The following KLHL32 variants were observed in gnomAD, a reference collection of about 807,000 sequenced individuals.
KLHL32 encodes the protein kelch like family member 32, also known as kelch-like protein 32.
A neutral mutation model predicts 64.8 loss-of-function variants in KLHL32; 35 were observed. That is an observed-to-expected ratio of 0.54 (90% CI 0.41 to 0.72). KLHL32 has a LOEUF of 0.72. Among genes scored for constraint, KLHL32 ranks in the 30% least tolerant of loss-of-function variants. The pLI is 0.00. For synonymous variants in KLHL32, 259 were observed against 281.0 expected (o/e 0.92, Z 0.78); for missense variants, 589 against 768.5 (o/e 0.77, Z 2.76).
intron 5 of KLHL32, among the ~76,000 whole-genome samples, chr6:97,080,049 C>T (rs1209522249): frequency 6.6e-6 from 1 of 152,114 alleles, no homozygotes; most frequent in Non-Finnish European, 1.5e-5. Context: ...ATCTTTTGAT[C>T]TAAGTAGCCA....
chr6:97,006,477 GC>G (rs1779682834), intron 3 of KLHL32, among the ~76,000 whole-genome samples: 1 of 152,116 alleles, frequency 6.6e-6, no homozygotes, highest in South Asian at 2.1e-4. Context: ...GACATTCTGT[GC>G]CTTTTATTTG....
intron 1 of KLHL32, among the ~76,000 whole-genome samples, chr6:96,961,897 G>A (rs548649129): frequency 4.9e-4 from 75 of 152,306 alleles, no homozygotes; most frequent in Middle Eastern, 3.4e-3. Context: ...GAAGTTGAAG[G>A]TCTCAACTGG....
chr6:96,953,464 T>C (rs1772877731), intron 1 of KLHL32, among the ~76,000 whole-genome samples: 1 of 152,060 alleles, frequency 6.6e-6, no homozygotes, highest in African/African-American at 2.4e-5. Flanking sequence ...ACCCTGTTTG[T>C]ACTAAAAATA....
intron 3 of KLHL32, among the ~76,000 whole-genome samples, chr6:97,014,222 G>C (rs945918007): frequency 6.6e-6 from 1 of 151,868 alleles, no homozygotes; most frequent in Non-Finnish European, 1.5e-5. Context: ...GTGAACCCGG[G>C]AGGCGGAGCT....
chr6:96,996,613 A>G (rs1778447141), intron 3 of KLHL32, among the ~76,000 whole-genome samples: 1 of 152,214 alleles, frequency 6.6e-6, no homozygotes, highest in Admixed American at 6.5e-5. Context: ...TGACTGCAAT[A>G]TAATGTAATT....
intron 6 of KLHL32, among the ~76,000 whole-genome samples, chr6:97,100,550 CT>C (rs1327175884): frequency 1.3e-5 from 2 of 152,132 alleles, no homozygotes; most frequent in Non-Finnish European, 2.9e-5. Flanking sequence ...TTAAAGTTAC[CT>C]TTGACTATTC....
At chr6:96,948,966 A>T (rs937354333) in intron 1 of KLHL32, among the ~76,000 whole-genome samples, 1 of 152,312 alleles carries the variant, frequency 6.6e-6, no homozygotes, top group South Asian at 2.1e-4. Context: ...CCGACTTTAG[A>T]ATCTTTTTTA....
At chr6:96,907,679 G>A in the KLHL32 span, among the ~76,000 whole-genome samples, 1 of 152,138 alleles carries the variant, frequency 6.6e-6, no homozygotes, top group African/African-American at 2.4e-5. Context: ...GTGACTCTGT[G>A]ATCTTAGGAT....
the KLHL32 span, among the ~76,000 whole-genome samples, chr6:96,903,000 A>T: frequency 4.6e-4 from 70 of 152,172 alleles, no homozygotes; most frequent in East Asian, 0.012. Flanking sequence ...AGCCCTGTAG[A>T]ATAGTTTGAA....
At chr6:96,987,218 G>T (rs1049295283) in intron 3 of KLHL32, among the ~76,000 whole-genome samples, 4 of 152,042 alleles carry the variant, frequency 2.6e-5, no homozygotes, top group Non-Finnish European at 5.9e-5. Context: ...CTTCAGTTCT[G>T]CTCTGATCTT....
At chr6:96,919,379 G>A in the KLHL32 span, among the ~76,000 whole-genome samples, 1 of 152,176 alleles carries the variant, frequency 6.6e-6, no homozygotes, top group Non-Finnish European at 1.5e-5. Context: ...AAAGGGTCAG[G>A]AAAGAATATG....
chr6:97,118,926 C>T (rs537828747), intron 7 of KLHL32, among the ~76,000 whole-genome samples: 5 of 152,268 alleles, frequency 3.3e-5, no homozygotes, highest in South Asian at 4.1e-4. Flanking sequence ...GTGACTATTG[C>T]AGAAGGCAGG....
At chr6:96,915,709 T>C in the KLHL32 span, among the ~76,000 whole-genome samples, 1 of 152,146 alleles carries the variant, frequency 6.6e-6, no homozygotes, top group Admixed American at 6.5e-5. Flanking sequence ...TGAGAATTAA[T>C]AATGCTCTGT....
intron 3 of KLHL32, among the ~76,000 whole-genome samples, chr6:96,979,882 G>A (rs538945535): frequency 4.6e-5 from 7 of 151,964 alleles, no homozygotes; most frequent in Non-Finnish European, 1.0e-4. Flanking sequence ...TTACCTCTCC[G>A]GTTGGCTGTC....
At chr6:96,923,504 A>G (rs981074782), upstream of KLHL32, among the ~76,000 whole-genome samples, 1 of 152,194 alleles carries the variant, frequency 6.6e-6, no homozygotes, top group Admixed American at 6.5e-5. Flanking sequence ...TAGCGTCCAG[A>G]TATCAAAACC....
intron 3 of KLHL32, among the ~76,000 whole-genome samples, chr6:97,002,289 A>G (rs990539698): frequency 5.3e-5 from 8 of 152,188 alleles, no homozygotes; most frequent in Non-Finnish European, 1.2e-4. Flanking sequence ...CACATTAGAG[A>G]AAGCAATTTG....
rs560353744 is a variant in KLHL32, at chr6:97,127,287, G to A, written c.1355-117G>A. 235 of 787,788 alleles carry A rather than the reference G, an allele frequency of 3.0e-4. 1 individual carries two copies. In the African/African-American group the frequency reaches 3.8e-3, roughly 13 times the overall value. The allele number at this position is 787,788 out of a possible 1,614,324, so 48.8% of individuals were successfully genotyped here. On this transcript the variant is annotated intron_variant, in intron 7 of 10. Coordinates refer to ENST00000369261, the MANE Select transcript of KLHL32 (RefSeq NM_052904.4). The stretch of plus-strand genomic sequence containing the variant: ...AATTATGTCATGGGCTCACCATGAG[G>A]GTATACAAACAGATCCTCAGCAGTA...
At chr6:97,131,093 C>A in intron 9 of KLHL32, 144 bp downstream of exon 9, 3 of 702,910 alleles carry the variant, frequency 4.3e-6, no homozygotes, top group Admixed American at 2.7e-5. Flanking sequence ...AGGTGTGTAT[C>A]ATTTATGTTC....
intron 4 of KLHL32, among the ~76,000 whole-genome samples, chr6:97,059,389 C>T (rs1582882835): frequency 6.6e-6 from 1 of 152,262 alleles, no homozygotes; most frequent in South Asian, 2.1e-4. Flanking sequence ...TTTCCAAATA[C>T]AAGCCTCAAA....
Sources: allele counts gnomAD v4.1 joint callset (sites outside exome capture counted in the v4.1 genomes callset), GRCh38; gene constraint gnomAD v4.1.1; transcripts MANE v1.5; gene names NCBI Gene and HGNC (gene_info 2026-07-23, HGNC 2026-07-21).